The following ZNRF2 variants were observed in gnomAD, a reference collection of about 807,000 sequenced individuals.
The protein encoded by ZNRF2 is zinc and ring finger 2.
In ZNRF2, 16 loss-of-function variants were observed where a neutral mutation model predicts 20.4. The observed-to-expected ratio is 0.79, with a 90% CI of 0.53 to 1.19. The LOEUF (loss-of-function observed/expected upper bound fraction) is 1.19, where lower values mean the gene tolerates loss of function less well. ZNRF2 is among the 50% of genes most tolerant of loss of function. The pLI, the probability that ZNRF2 is intolerant of heterozygous loss-of-function variation, is 0.00. For missense variants in ZNRF2, 363 were observed against 332.4 expected (o/e 1.09, Z -0.72); for synonymous variants, 178 against 144.9 (o/e 1.23, Z -1.64).
At chr7:30,325,753 A>G (rs1003543380) in intron 2 of ZNRF2, among the ~76,000 whole-genome samples, 5 of 152,186 alleles carry the variant, frequency 3.3e-5, no homozygotes, top group African/African-American at 1.2e-4. Flanking sequence ...AGTGGTTTTA[A>G]GCAGTTACTT....
chr7:30,345,287 C>G (rs1799859339), intron 2 of ZNRF2, among the ~76,000 whole-genome samples: 1 of 151,888 alleles, frequency 6.6e-6, no homozygotes, highest in Non-Finnish European at 1.5e-5. Context: ...GTGATTTCTT[C>G]TAGTGCTTCT....
rs1798737592 is a variant in ZNRF2 at position 30,284,730 on chromosome 7, T to C, written c.-628T>C. Reference sequence around the variant, plus strand: ...TCCTCCCGCCAGCCCGGCCCCTCCTTCGCAGGGGGAGCGAGGCGACGGTTG... The same window carrying C: ...TCCTCCCGCCAGCCCGGCCCCTCCTCCGCAGGGGGAGCGAGGCGACGGTTG... On this transcript the variant is annotated 5_prime_UTR_variant, in exon 1 of 5. Coordinates refer to ENST00000323037, the MANE Select transcript of ZNRF2 (RefSeq NM_147128.4). 5.5e-6 allele frequency: 1 copy of C among 180,960 alleles called. No individual in the cohort carries two copies. Among genetic ancestry groups the C allele is most frequent in the Non-Finnish European group, 1.2e-5 (1 of 83,250 alleles). 11.2% of individuals were successfully genotyped at this position (180,960 alleles called of 1,614,324 possible).
At chr7:30,285,927 G>T in intron 1 of ZNRF2, 101 bp downstream of exon 1, 1 of 1,325,736 alleles carries the variant, frequency 7.5e-7, no homozygotes, top group East Asian at 3.1e-5. Flanking sequence ...TCCTTCTGCC[G>T]GGGCGCCGGG....
At chr7:30,331,123 A>G (rs1259153590) in intron 2 of ZNRF2, among the ~76,000 whole-genome samples, 3 of 152,198 alleles carry the variant, frequency 2.0e-5, no homozygotes, top group East Asian at 1.9e-4. Flanking sequence ...GTGATATCCC[A>G]GAAGAGCCTG....
intron 1 of ZNRF2, among the ~76,000 whole-genome samples, chr7:30,286,368 G>C (rs530138580): frequency 7.9e-5 from 12 of 152,204 alleles, no homozygotes; most frequent in Admixed American, 2.0e-4. Context: ...TTGGATGAAT[G>C]CGTTAATGAA....
intron 2 of ZNRF2, among the ~76,000 whole-genome samples, chr7:30,341,144 A>T (rs1799790053): frequency 6.6e-6 from 1 of 152,024 alleles, no homozygotes; most frequent in South Asian, 2.1e-4. Context: ...TTGTCTGGCT[A>T]GGGGTCTACC....
At chr7:30,351,145 T>C (rs556372028) in intron 2 of ZNRF2, among the ~76,000 whole-genome samples, 16 of 151,960 alleles carry the variant, frequency 1.1e-4, no homozygotes, top group Non-Finnish European at 1.9e-4. Flanking sequence ...TTTTAAGTAA[T>C]TTCTTTGGAC....
At chr7:30,319,150 T>C (rs1166830123) in intron 1 of ZNRF2, among the ~76,000 whole-genome samples, 1 of 152,048 alleles carries the variant, frequency 6.6e-6, no homozygotes, top group East Asian at 1.9e-4. Flanking sequence ...CTGTACTCTT[T>C]ATTTTTAGAG....
intron 2 of ZNRF2, among the ~76,000 whole-genome samples, chr7:30,338,384 T>C (rs1661071956): frequency 6.6e-6 from 1 of 151,784 alleles, no homozygotes; most frequent in Admixed American, 6.6e-5. Flanking sequence ...CAACCCTTCA[T>C]CTATAGTAGG....
chr7:30,286,405 T>C (rs1798790643), intron 1 of ZNRF2, among the ~76,000 whole-genome samples: 1 of 152,222 alleles, frequency 6.6e-6, no homozygotes, highest in Non-Finnish European at 1.5e-5. Context: ...CTCACTAAAC[T>C]GCTACTTAAG....
At chr7:30,364,742 C>T (rs1800182699) in intron 4 of ZNRF2, among the ~76,000 whole-genome samples, 1 of 152,188 alleles carries the variant, frequency 6.6e-6, no homozygotes, top group African/African-American at 2.4e-5. Context: ...CAAAGTAATA[C>T]ATCTAAATCC....
intron 3 of ZNRF2, among the ~76,000 whole-genome samples, chr7:30,360,673 C>T (rs553391933): frequency 1.3e-5 from 2 of 152,032 alleles, no homozygotes; most frequent in Non-Finnish European, 2.9e-5. Flanking sequence ...TCAGGCTGGG[C>T]GACAGAGCAA....
At chr7:30,341,294 C>T (rs1314668053) in intron 2 of ZNRF2, among the ~76,000 whole-genome samples, 1 of 151,790 alleles carries the variant, frequency 6.6e-6, no homozygotes, top group Non-Finnish European at 1.5e-5. Flanking sequence ...AATTTGTTTG[C>T]TCTTGTTTCT....
chr7:30,318,266 C>T (rs1467319895), intron 1 of ZNRF2, among the ~76,000 whole-genome samples: 1 of 152,110 alleles, frequency 6.6e-6, no homozygotes, highest in East Asian at 1.9e-4. Context: ...GGCATCTCAT[C>T]TGTCTCTAAT....
chr7:30,303,336 T>G (rs1306678971), intron 1 of ZNRF2, among the ~76,000 whole-genome samples: 1 of 152,180 alleles, frequency 6.6e-6, no homozygotes, highest in Non-Finnish European at 1.5e-5. Context: ...GAATTAATTT[T>G]ATAGTAATTT....
intron 3 of ZNRF2, among the ~76,000 whole-genome samples, chr7:30,358,500 T>C (rs1468642017): frequency 6.6e-6 from 1 of 152,082 alleles, no homozygotes; most frequent in Non-Finnish European, 1.5e-5. Context: ...TTGATCTATA[T>C]AGTTAATACT....
chr7:30,366,147 GTAA>G lies in ZNRF2; in HGVS notation c.*138_*140del, dbSNP rs1800210815. On this transcript the variant is annotated 3_prime_UTR_variant, in exon 5 of 5. Coordinates refer to ENST00000323037, the MANE Select transcript of ZNRF2 (RefSeq NM_147128.4). ...AGAAATCTGAGTTTTGTGAGACTTG[GTAA>G]TACAGAGATGGACAATCGTACTGGG... 6.6e-6 allele frequency: 1 copy of G among 152,580 alleles called. No homozygotes were observed. The highest frequency in any genetic ancestry group is 2.4e-5 in the African/African-American group (1 of 41,432). The allele number at this position is 152,580 out of a possible 1,614,324, so 9.5% of individuals were successfully genotyped here.
intron 4 of ZNRF2, among the ~76,000 whole-genome samples, chr7:30,364,535 G>C (rs1800179823): frequency 6.6e-6 from 1 of 152,172 alleles, no homozygotes; most frequent in African/African-American, 2.4e-5. Context: ...GGTAAGAGAA[G>C]TATAGTGGTG....
rs1428566650 is a variant in ZNRF2, at chr7:30,366,533, A to AC, written c.*523dup. ...TATAAATTGAAGTCTTAAATGTGAA[A>AC]CCAAGAAATGTAATCAAGCAGTAAA... is the stretch of plus-strand genomic sequence containing the variant. On this transcript the variant is annotated 3_prime_UTR_variant, in exon 5 of 5. Coordinates refer to ENST00000323037, the MANE Select transcript of ZNRF2 (RefSeq NM_147128.4). 1 of 152,524 alleles carries AC rather than the reference A, an allele frequency of 6.6e-6. No individual in the cohort carries two copies. Among genetic ancestry groups the AC allele is most frequent in the Admixed American group, 6.6e-5 (1 of 15,262 alleles). The allele number at this position is 152,524 out of a possible 1,614,324, so 9.4% of individuals were successfully genotyped here.
Sources: gnomAD v4.1 joint callset for allele counts (sites outside exome capture counted in the v4.1 genomes callset) on GRCh38, gnomAD v4.1.1 for gene constraint, MANE v1.5 for transcripts, NCBI Gene and HGNC (gene_info 2026-07-23, HGNC 2026-07-21) for gene names.